Variants in ATP10A observed in about 807,000 individuals in gnomAD.
ATP10A encodes phospholipid-transporting ATPase VA.
In ATP10A, 111 loss-of-function variants were observed where a neutral mutation model predicts 147.8. That is an observed-to-expected ratio of 0.75 (90% CI 0.64 to 0.88). The LOEUF (loss-of-function observed/expected upper bound fraction) is 0.88. ATP10A is among the 40% of genes least tolerant of loss of function. The probability of loss-of-function intolerance (pLI) is 0.00; values close to 1 mark genes in which losing one functional copy is unlikely to be tolerated. For synonymous variants in ATP10A, 875 were observed against 841.6 expected (o/e 1.04, Z -0.69); for missense variants, 1,927 against 1,959.0 (o/e 0.98, Z 0.31).
At chr15:25,800,375 TTC>T (rs1200600350) in intron 1 of ATP10A, among the ~76,000 whole-genome samples, 1 of 152,120 alleles carries the variant, frequency 6.6e-6, no homozygotes, top group Non-Finnish European at 1.5e-5. Flanking sequence ...ATTTCCTTCC[TTC>T]TCTGATATCC....
chr15:25,805,140 G>A (rs1302689925), intron 1 of ATP10A, among the ~76,000 whole-genome samples: 2 of 152,196 alleles, frequency 1.3e-5, no homozygotes, highest in Non-Finnish European at 2.9e-5. Context: ...CAGCCTATGG[G>A]ACCCCTGTCT....
chr15:25,814,580 T>C (rs1251963714), intron 1 of ATP10A, among the ~76,000 whole-genome samples: 4 of 152,214 alleles, frequency 2.6e-5, no homozygotes. Context: ...AACCTCATCT[T>C]CCTCTGTTTC....
At chr15:25,811,889 A>G (rs1043504160) in intron 1 of ATP10A, among the ~76,000 whole-genome samples, 26 of 152,174 alleles carry the variant, frequency 1.7e-4, no homozygotes, top group African/African-American at 6.3e-4. Flanking sequence ...GCAAGGGCCA[A>G]CACAGCTCAC....
chr15:25,830,699 T>A (rs1892316954), intron 1 of ATP10A, among the ~76,000 whole-genome samples: 1 of 152,112 alleles, frequency 6.6e-6, no homozygotes, highest in East Asian at 1.9e-4. Flanking sequence ...AACTCAGAGG[T>A]GACAACTTAT....
intron 1 of ATP10A, among the ~76,000 whole-genome samples, chr15:25,812,048 C>A (rs1891456696): frequency 6.6e-6 from 1 of 152,208 alleles, no homozygotes; most frequent in Admixed American, 6.5e-5. Context: ...CTACATGGCG[C>A]AAACACGCTC....
intron 10 of ATP10A, 164 bp from the exon 11 acceptor site, chr15:25,708,464 T>G: frequency 7.2e-6 from 3 of 416,224 alleles, no homozygotes. Context: ...TAAAAAAGAG[T>G]CTCATCAATA....
At chr15:25,790,464 GTTGT>G (rs1890360409) in intron 1 of ATP10A, among the ~76,000 whole-genome samples, 2 of 152,156 alleles carry the variant, frequency 1.3e-5, no homozygotes, top group South Asian at 4.1e-4. Context: ...AGGGCTGAAT[GTTGT>G]CCCAGCGGAA....
Position 25,773,584 on chromosome 15 carries a change from G to A in ATP10A, c.654+7435C>T, listed in dbSNP as rs1187170314. ...GATTGGAAACTCCAGATTCCCCTAGGGAGCACTCTCTTGCAGAGCAATCCA... is the reference window on the plus strand; with the variant it reads ...GATTGGAAACTCCAGATTCCCCTAGAGAGCACTCTCTTGCAGAGCAATCCA... On this transcript the variant is annotated intron_variant, in intron 2 of 20. Transcript: ENST00000555815. Among the ~76,000 whole-genome samples the A allele has an allele frequency of 2.6e-5, 4 of 152,184 alleles. No homozygotes were observed. The East Asian group carries it at 7.7e-4, about 29-fold the overall frequency.
At chr15:25,685,018 C>T (rs964677585) in intron 16 of ATP10A, among the ~76,000 whole-genome samples, 2 of 152,144 alleles carry the variant, frequency 1.3e-5, no homozygotes, top group Non-Finnish European at 2.9e-5. Flanking sequence ...GGCTGGCTCT[C>T]GCTCACTCAC....
At chr15:25,695,353 C>T (rs1900265677) in intron 13 of ATP10A, among the ~76,000 whole-genome samples, 3 of 152,122 alleles carry the variant, frequency 2.0e-5, no homozygotes, top group Admixed American at 1.3e-4. Context: ...GGCCAGGCAC[C>T]GTGGGTGGCT....
downstream of ATP10A, chr15:25,677,170 T>A (rs144166059): frequency 6.6e-6 from 1 of 152,312 alleles, no homozygotes; most frequent in South Asian, 2.1e-4. Flanking sequence ...TTCCTACTTA[T>A]TTTAGATTTG....
At chr15:25,745,508 G>A (rs1207452635) in intron 2 of ATP10A, among the ~76,000 whole-genome samples, 1 of 151,956 alleles carries the variant, frequency 6.6e-6, no homozygotes, top group Non-Finnish European at 1.5e-5. Flanking sequence ...GATTGCTTGA[G>A]GCCAGCAGTT....
chr15:25,717,897 T>C (rs978132221), intron 8 of ATP10A, among the ~76,000 whole-genome samples: 7 of 152,210 alleles, frequency 4.6e-5, no homozygotes, highest in Admixed American at 1.3e-4. Flanking sequence ...CCTGAGGTTT[T>C]ATTTGCTTCA....
At chr15:25,862,171 G>A in intron 1 of ATP10A, 2 of 433,474 alleles carry the variant, frequency 4.6e-6, no homozygotes, top group Non-Finnish European at 4.7e-6. Context: ...GCACTTGGCG[G>A]CAGTTTCACT....
At chr15:25,680,080 T>C in intron 20 of ATP10A, 41 bp downstream of exon 20, 1 of 1,601,580 alleles carries the variant, frequency 6.2e-7, no homozygotes, top group South Asian at 1.1e-5. Flanking sequence ...TCGTCTGGGC[T>C]CACTCGGGGC....
chr15:25,704,075 C>T (rs956457484), intron 12 of ATP10A, among the ~76,000 whole-genome samples: 1 of 151,278 alleles, frequency 6.6e-6, no homozygotes, highest in Non-Finnish European at 1.5e-5. Flanking sequence ...CTTAGCTTTG[C>T]TCCTCTACCC....
chr15:25,786,816 T>C (rs902913284), intron 1 of ATP10A, among the ~76,000 whole-genome samples: 34 of 149,902 alleles, frequency 2.3e-4, no homozygotes, highest in Admixed American at 2.7e-4. Context: ...TTTGTATTTT[T>C]AGTAGAGACG....
At chr15:25,812,408 AG>A (rs1165190539) in intron 1 of ATP10A, among the ~76,000 whole-genome samples, 1 of 152,252 alleles carries the variant, frequency 6.6e-6, no homozygotes, top group Non-Finnish European at 1.5e-5. Flanking sequence ...AATCACTTTG[AG>A]GAAACATTAC....
chr15:25,817,539 T>A (rs541244352), intron 1 of ATP10A, among the ~76,000 whole-genome samples: 72 of 152,354 alleles, frequency 4.7e-4, no homozygotes, highest in African/African-American at 1.7e-3. Flanking sequence ...TTAGCATATT[T>A]AATCCTATGA....
Sources: allele counts gnomAD v4.1 joint callset (sites outside exome capture counted in the v4.1 genomes callset), GRCh38; gene constraint gnomAD v4.1.1; transcripts MANE v1.5; gene names NCBI Gene and HGNC (gene_info 2026-07-23, HGNC 2026-07-21).